MAPK10: variants seen among roughly 807,000 people sequenced by gnomAD.
MAPK10 encodes the protein mitogen-activated protein kinase 10.
MAPK10 carries 25 observed loss-of-function variants against 59.3 expected under a neutral mutation model. The ratio of observed to expected loss-of-function variants is 0.42; its 90% CI spans 0.31 to 0.59. The LOEUF is 0.59. MAPK10 is among the 20% of genes least tolerant of loss of function. The pLI is 0.15. For synonymous variants in MAPK10, 190 were observed against 200.5 expected, an observed-to-expected ratio of 0.95 and a Z score of 0.44; for missense variants, 351 against 568.9, an observed-to-expected ratio of 0.62 and a Z score of 3.90.
At chr4:86,430,807 C>T (rs971599922) in intron 1 of MAPK10, among the ~76,000 whole-genome samples, 8 of 152,124 alleles carry the variant, frequency 5.3e-5, no homozygotes, top group African/African-American at 1.9e-4. Context: ...GCAAACGAGG[C>T]TACAGAGGTA....
chr4:86,121,956 C>T (rs897844690), intron 4 of MAPK10, among the ~76,000 whole-genome samples: 3 of 152,236 alleles, frequency 2.0e-5, no homozygotes, highest in Middle Eastern at 3.4e-3. Context: ...TAAGCTCCAT[C>T]AAGTTCAAGA....
intron 1 of MAPK10, among the ~76,000 whole-genome samples, chr4:86,543,372 G>T (rs1449530618): frequency 6.6e-6 from 1 of 152,088 alleles, no homozygotes; most frequent in Non-Finnish European, 1.5e-5. Context: ...TCCTCTCCCT[G>T]TAGTATATGA....
intron 4 of MAPK10, among the ~76,000 whole-genome samples, chr4:86,156,747 C>T (rs922653223): frequency 7.9e-5 from 12 of 151,870 alleles, no homozygotes; most frequent in East Asian, 1.9e-4. Flanking sequence ...GTTTTTGTTC[C>T]GGAGTTGGTA....
intron 1 of MAPK10, among the ~76,000 whole-genome samples, chr4:86,445,836 G>C (rs1348097605): frequency 6.6e-6 from 1 of 152,068 alleles, no homozygotes; most frequent in East Asian, 1.9e-4. Context: ...TTTGTTGCCA[G>C]TAGACCTGCC....
intron 11 of MAPK10, among the ~76,000 whole-genome samples, chr4:86,063,489 C>T (rs992646840): frequency 2.6e-5 from 4 of 152,002 alleles, no homozygotes; most frequent in African/African-American, 9.7e-5. Context: ...CTGATAGAAA[C>T]ATTTAAAGGC....
intron 3 of MAPK10, among the ~76,000 whole-genome samples, chr4:86,173,300 G>T (rs2074839282): frequency 6.6e-6 from 1 of 151,880 alleles, no homozygotes; most frequent in South Asian, 2.1e-4. Context: ...AGAATAGAGG[G>T]CTCAGAAATA....
chr4:86,521,486 G>A (rs535594269), intron 1 of MAPK10, among the ~76,000 whole-genome samples: 2 of 152,164 alleles, frequency 1.3e-5, no homozygotes, highest in Admixed American at 6.5e-5. Flanking sequence ...GGCCACTGTC[G>A]GGGATGGGGG....
At chr4:86,042,909 G>A (rs922504869) in intron 11 of MAPK10, among the ~76,000 whole-genome samples, 2 of 152,112 alleles carry the variant, frequency 1.3e-5, no homozygotes, top group African/African-American at 4.8e-5. Flanking sequence ...TGGATGTGAA[G>A]GGGGCTGAGG....
chr4:86,286,326 A>G (rs1384624838), intron 2 of MAPK10, among the ~76,000 whole-genome samples: 1 of 152,142 alleles, frequency 6.6e-6, no homozygotes, highest in Admixed American at 6.5e-5. Flanking sequence ...TGGGGAGGCA[A>G]TCTTTTAGAA....
intron 2 of MAPK10, among the ~76,000 whole-genome samples, chr4:86,218,262 G>A (rs1026122613): frequency 6.6e-5 from 10 of 151,598 alleles, no homozygotes; most frequent in Non-Finnish European, 8.8e-5. Context: ...GGAGTGCAGT[G>A]GCGCCATCTC....
At chr4:86,487,362 A>AGTGT (rs35053159) in intron 1 of MAPK10, among the ~76,000 whole-genome samples, 62,734 of 148,574 alleles carry the variant, frequency 0.42, 13,330 homozygotes, top group South Asian at 0.55. Context: ...AGAGAGAGAG[A>AGTGT]GTGTGTGTGT....
At chr4:86,302,433 C>T (rs1419422735) in intron 2 of MAPK10, among the ~76,000 whole-genome samples, 29 of 152,136 alleles carry the variant, frequency 1.9e-4, no homozygotes, top group Admixed American at 1.9e-3. Flanking sequence ...AGACATTTGG[C>T]AACACCACAC....
chr4:86,517,859 G>C (rs1564978026), intron 1 of MAPK10, among the ~76,000 whole-genome samples: 2 of 152,162 alleles, frequency 1.3e-5, no homozygotes, highest in Non-Finnish European at 2.9e-5. Context: ...ATTGGTACCA[G>C]TTCTTCTTTG....
At chr4:86,487,360 A>AGTGTGT (rs1344194192) in intron 1 of MAPK10, among the ~76,000 whole-genome samples, 30 of 33,058 alleles carry the variant, frequency 9.1e-4, no homozygotes, top group East Asian at 1.8e-3. Flanking sequence ...AGAGAGAGAG[A>AGTGTGT]GAGTGTGTGT....
Position 86,523,724 on chromosome 4 carries a change from G to A in MAPK10, c.-263+70186C>T, listed in dbSNP as rs143203228. Among the ~76,000 whole-genome samples the A allele has an allele frequency of 1.6e-4, 24 of 151,936 alleles. No homozygotes were observed. In the East Asian group the frequency reaches 4.7e-3, roughly 30 times the overall value. On this transcript the variant is annotated intron_variant, in intron 1 of 4. Transcript: ENST00000502302. ...CAGCAAAATCTACCCCTACTTTCCAGAGTCCTTTAAAGGCAATCATATGTC... is the reference window on the plus strand; with the variant it reads ...CAGCAAAATCTACCCCTACTTTCCAAAGTCCTTTAAAGGCAATCATATGTC...
At chr4:86,563,664 T>A (rs182343641) in intron 1 of MAPK10, among the ~76,000 whole-genome samples, 1 of 152,126 alleles carries the variant, frequency 6.6e-6, no homozygotes, top group Non-Finnish European at 1.5e-5. Context: ...ATATATAGTA[T>A]GTTTTTTGTT....
intron 2 of MAPK10, among the ~76,000 whole-genome samples, chr4:86,325,416 G>A (rs2096000338): frequency 6.6e-6 from 1 of 152,184 alleles, no homozygotes; most frequent in Non-Finnish European, 1.5e-5. Flanking sequence ...GTAATTAGTG[G>A]AGGCAATATT....
intron 1 of MAPK10, among the ~76,000 whole-genome samples, chr4:86,496,871 G>A (rs770470286): frequency 3.3e-5 from 5 of 152,042 alleles, no homozygotes; most frequent in Non-Finnish European, 5.9e-5. Flanking sequence ...CAGCTTTATA[G>A]ATAATCCAGA....
chr4:86,449,133 T>C (rs559788661), intron 1 of MAPK10, among the ~76,000 whole-genome samples: 2 of 151,554 alleles, frequency 1.3e-5, no homozygotes, highest in South Asian at 4.2e-4. Context: ...CTGTGCAGCC[T>C]AGTTCCTGTA....
Sources: allele counts gnomAD v4.1 joint callset (sites outside exome capture counted in the v4.1 genomes callset), GRCh38; gene constraint gnomAD v4.1.1; transcripts MANE v1.5; gene names NCBI Gene and HGNC (gene_info 2026-07-23, HGNC 2026-07-21).